ZFYVE9: variants seen among roughly 807,000 people sequenced by gnomAD.
ZFYVE9 encodes zinc finger FYVE domain-containing protein 9.
Under a neutral mutation model 126.7 loss-of-function variants are expected in ZFYVE9, and 43 were observed. That is an observed-to-expected ratio of 0.34 (90% CI 0.27 to 0.44). ZFYVE9 has a LOEUF of 0.44. Among genes scored for constraint, ZFYVE9 ranks in the 20% least tolerant of loss-of-function variants. ZFYVE9 has a pLI of 1.00. For synonymous variants in ZFYVE9, 521 were observed against 597.4 expected (o/e 0.87, Z 1.87); for missense variants, 1,476 against 1,697.0 (o/e 0.87, Z 2.29).
chr1:52,248,552 G>A (rs1645413308), intron 4 of ZFYVE9, among the ~76,000 whole-genome samples: 1 of 152,158 alleles, frequency 6.6e-6, no homozygotes, highest in African/African-American at 2.4e-5. Context: ...CCTCAATCCA[G>A]TCAAGTTAAC....
At chr1:52,209,870 A>G (rs1410099865) in intron 1 of ZFYVE9, among the ~76,000 whole-genome samples, 1 of 152,220 alleles carries the variant, frequency 6.6e-6, no homozygotes, top group Non-Finnish European at 1.5e-5. Flanking sequence ...CAATAGGATG[A>G]CATTGAATGA....
intron 10 of ZFYVE9, among the ~76,000 whole-genome samples, chr1:52,287,242 A>G: frequency 6.6e-6 from 1 of 151,706 alleles, no homozygotes; most frequent in African/African-American, 2.4e-5. Context: ...CTCCCAAGTA[A>G]CTGGGACTAC....
intron 1 of ZFYVE9, among the ~76,000 whole-genome samples, chr1:52,157,903 C>T (rs1011142279): frequency 6.6e-6 from 1 of 152,164 alleles, no homozygotes; most frequent in African/African-American, 2.4e-5. Context: ...TGGTGCCTCT[C>T]TCCCCAGTAT....
chr1:52,159,256 G>A (rs537049850), intron 1 of ZFYVE9, among the ~76,000 whole-genome samples: 2 of 152,306 alleles, frequency 1.3e-5, no homozygotes, highest in South Asian at 4.1e-4. Flanking sequence ...TGGGATGAGA[G>A]CTTCATTGTC....
intron 1 of ZFYVE9, among the ~76,000 whole-genome samples, chr1:52,144,592 A>C (rs1008828588): frequency 5.9e-5 from 9 of 152,066 alleles, no homozygotes; most frequent in African/African-American, 2.2e-4. Context: ...ATTTTCTAGC[A>C]AAACTATAAG....
intron 18 of ZFYVE9, 71 bp from the exon 19 acceptor site, chr1:52,345,989 C>T (rs1646480251): frequency 4.2e-6 from 6 of 1,430,216 alleles, no homozygotes; most frequent in Non-Finnish European, 5.6e-6. Context: ...CCTGCTCAGC[C>T]TCCTTGCCCT....
At chr1:52,264,296 A>T (rs1645612317) in intron 5 of ZFYVE9, among the ~76,000 whole-genome samples, 1 of 152,226 alleles carries the variant, frequency 6.6e-6, no homozygotes, top group African/African-American at 2.4e-5. Flanking sequence ...GTTCTTATCA[A>T]CACCTTGTTT....
chr1:52,311,545 G>A (rs1050836051), intron 13 of ZFYVE9, among the ~76,000 whole-genome samples: 9 of 151,724 alleles, frequency 5.9e-5, no homozygotes, highest in Admixed American at 3.9e-4. Flanking sequence ...GATTATAGGC[G>A]TGAGCCACCA....
intron 15 of ZFYVE9, among the ~76,000 whole-genome samples, chr1:52,336,306 CTT>C (rs1185813319): frequency 6.9e-6 from 1 of 145,094 alleles, no homozygotes; most frequent in Admixed American, 7.0e-5. Context: ...ATTTACAACT[CTT>C]GACTACAAAA....
intron 1 of ZFYVE9, among the ~76,000 whole-genome samples, chr1:52,197,253 G>T (rs180722588): frequency 6.6e-6 from 1 of 152,198 alleles, no homozygotes; most frequent in East Asian, 1.9e-4. Flanking sequence ...GAGAGGGAGT[G>T]ATAGAGAATT....
chr1:52,217,310 G>A (rs1645080925), intron 2 of ZFYVE9, among the ~76,000 whole-genome samples: 1 of 152,036 alleles, frequency 6.6e-6, no homozygotes, highest in Admixed American at 6.6e-5. Flanking sequence ...GGCGGGGTGG[G>A]TAAAGAAGAA....
At chr1:52,245,303 C>T (rs187346598) in intron 4 of ZFYVE9, among the ~76,000 whole-genome samples, 103 of 150,424 alleles carry the variant, frequency 6.8e-4, no homozygotes, top group Non-Finnish European at 1.2e-3. Context: ...GTAAAACATA[C>T]CACTCATGTT....
At chr1:52,336,685 T>C (rs922799527) in intron 15 of ZFYVE9, among the ~76,000 whole-genome samples, 4 of 152,054 alleles carry the variant, frequency 2.6e-5, no homozygotes, top group Admixed American at 1.3e-4. Flanking sequence ...TAAACAGTCA[T>C]TTGGTCTAAA....
intron 13 of ZFYVE9, among the ~76,000 whole-genome samples, chr1:52,312,841 C>T (rs1646150747): frequency 6.6e-6 from 1 of 152,136 alleles, no homozygotes; most frequent in South Asian, 2.1e-4. Flanking sequence ...AATTGTGTCC[C>T]TCTAAAGTTC....
intron 1 of ZFYVE9, among the ~76,000 whole-genome samples, chr1:52,178,278 C>CAAAA (rs78982846): frequency 1.0e-4 from 2 of 19,610 alleles, no homozygotes; most frequent in Non-Finnish European, 2.4e-4. Context: ...GACTCCATCT[C>CAAAA]AAAAAAAAAA....
chr1:52,256,131 T>A (rs1404632629), intron 4 of ZFYVE9, among the ~76,000 whole-genome samples: 1 of 150,876 alleles, frequency 6.6e-6, no homozygotes, highest in Non-Finnish European at 1.5e-5. Flanking sequence ...AATGGCGCGA[T>A]CTCAGCTCAC....
At chr1:52,203,557 G>A (rs1449909883) in intron 1 of ZFYVE9, among the ~76,000 whole-genome samples, 3 of 144,182 alleles carry the variant, frequency 2.1e-5, no homozygotes, top group African/African-American at 7.7e-5. Context: ...GTTTTTTTTG[G>A]CATTTTTCAT....
At chr1:52,270,196 A>G (rs1281676876) in intron 7 of ZFYVE9, among the ~76,000 whole-genome samples, 1 of 152,180 alleles carries the variant, frequency 6.6e-6, no homozygotes, top group Non-Finnish European at 1.5e-5. Flanking sequence ...ATCACATGAG[A>G]TGGAAACTTA....
At chr1:52,340,321 T>G in intron 17 of ZFYVE9, 90 bp downstream of exon 17, 4 of 921,442 alleles carry the variant, frequency 4.3e-6, no homozygotes, top group Non-Finnish European at 5.1e-6. Context: ...CTTTGTAGGA[T>G]AAGAAAAAAA....
Sources: gnomAD v4.1 joint callset for allele counts (sites outside exome capture counted in the v4.1 genomes callset) on GRCh38, gnomAD v4.1.1 for gene constraint, MANE v1.5 for transcripts, NCBI Gene and HGNC (gene_info 2026-07-23, HGNC 2026-07-21) for gene names.